The following SLC39A12 variants were observed in gnomAD, a reference collection of about 807,000 sequenced individuals.
SLC39A12 encodes the protein zinc transporter ZIP12.
SLC39A12 carries 63 observed loss-of-function variants against 71.1 expected under a neutral mutation model. The observed-to-expected ratio is 0.89, with a 90% CI of 0.72 to 1.09. The LOEUF is 1.09. Ranked by LOEUF, SLC39A12 falls within the 50% of genes least tolerant of loss-of-function variation. The pLI, the probability that SLC39A12 is intolerant of heterozygous loss-of-function variation, is 0.00. For missense variants in SLC39A12, 892 were observed against 812.6 expected (o/e 1.10, Z -1.19); for synonymous variants, 351 against 301.3 (o/e 1.16, Z -1.71).
rs1249562367 is a variant in SLC39A12, at chr10:17,978,925, A to G, written c.924+851A>G. Among the ~76,000 whole-genome samples, 4 of 152,296 alleles carry G rather than the reference A, an allele frequency of 2.6e-5. No individual in the cohort carries two copies. In the East Asian group the frequency reaches 7.7e-4, roughly 29 times the overall value. ...CAGTACCACCTGGGAACTTGTTGGA[A>G]ATGTACATCCTCAGACCCCAACCCA... On this transcript the variant is annotated intron_variant, in intron 5 of 12. Coordinates refer to ENST00000377369, the MANE Select transcript of SLC39A12 (RefSeq NM_001145195.2).
intron 12 of SLC39A12, among the ~76,000 whole-genome samples, chr10:18,032,760 C>G (rs920032625): frequency 1.3e-5 from 2 of 151,930 alleles, no homozygotes; most frequent in Non-Finnish European, 2.9e-5. Context: ...AGTTTTTGCC[C>G]ATTCAATATG....
intron 12 of SLC39A12, among the ~76,000 whole-genome samples, chr10:18,023,618 G>A (rs1836594849): frequency 6.6e-6 from 1 of 152,178 alleles, no homozygotes; most frequent in South Asian, 2.1e-4. Context: ...AGAGCATGGA[G>A]TCAAGGGCTC....
At chr10:17,970,485 T>C (rs1834939630) in intron 4 of SLC39A12, among the ~76,000 whole-genome samples, 1 of 152,212 alleles carries the variant, frequency 6.6e-6, no homozygotes, top group South Asian at 2.1e-4. Context: ...GTCATTTTCA[T>C]TGTAGAAATC....
intron 12 of SLC39A12, among the ~76,000 whole-genome samples, chr10:18,025,171 A>AT (rs1012654644): frequency 4.7e-5 from 7 of 150,166 alleles, no homozygotes; most frequent in East Asian, 2.0e-4. Flanking sequence ...TGTCTTTCAC[A>AT]TTTTTTTTGC....
At chr10:18,016,225 C>G (rs1463231809) in intron 12 of SLC39A12, among the ~76,000 whole-genome samples, 1 of 152,174 alleles carries the variant, frequency 6.6e-6, no homozygotes, top group African/African-American at 2.4e-5. Context: ...TCCCTGTCAA[C>G]CACTACTATT....
rs765462280 is a variant in SLC39A12 at position 18,041,526 on chromosome 10, G to GTATA, written c.1948-1172_1948-1169dup. Among the ~76,000 whole-genome samples, 9 of 72,360 alleles carry GTATA rather than the reference G, an allele frequency of 1.2e-4. 1 individual carries two copies. The East Asian group carries it at 2.9e-3, about 24-fold the overall frequency. 47.5% of individuals were successfully genotyped at this position (72,360 alleles called of 152,430 possible). ...AAAAAAACTTTATATATATATATAT[G>GTATA]TATATATATACACACACACACACAC... On this transcript the variant is annotated intron_variant, in intron 12 of 12. Transcript: ENST00000377369.
At chr10:18,024,394 G>T (rs2497774) in intron 12 of SLC39A12, among the ~76,000 whole-genome samples, 1 of 151,882 alleles carries the variant, frequency 6.6e-6, no homozygotes. Flanking sequence ...TGTGCCCAGG[G>T]TTGCATAGGT....
At position 18,025,668 on chromosome 10, in the gene SLC39A12, C is replaced by A. The variant is rs992735773; in HGVS notation, c.1948-17037C>A. On this transcript the variant is annotated intron_variant, in intron 12 of 12. Transcript: ENST00000377369. ...TTTGGGTTGGTTCCAAGTCTTTGCT[C>A]TTGTGAATAGTGTTGCAGTAAACAT... 5.9e-5 allele frequency among the ~76,000 whole-genome samples: 9 copies of A among 151,934 alleles called. No homozygotes were observed. In the South Asian group the frequency reaches 1.2e-3, roughly 21 times the overall value.
chr10:17,981,730 A>G (rs544142990), intron 6 of SLC39A12, among the ~76,000 whole-genome samples: 9 of 152,342 alleles, frequency 5.9e-5, no homozygotes, highest in African/African-American at 1.9e-4. Context: ...TGGAGTTGCC[A>G]TTCAAACCCA....
At chr10:18,034,338 T>C (rs1159658282) in intron 12 of SLC39A12, among the ~76,000 whole-genome samples, 1 of 151,974 alleles carries the variant, frequency 6.6e-6, no homozygotes, top group African/African-American at 2.4e-5. Flanking sequence ...GGTGCTCCTG[T>C]ATTGGGTGCA....
chr10:18,034,548 CAT>C (rs1836942774), intron 12 of SLC39A12, among the ~76,000 whole-genome samples: 2 of 150,954 alleles, frequency 1.3e-5, no homozygotes, highest in Admixed American at 6.6e-5. Flanking sequence ...TGTCTCTGCA[CAT>C]GAGATGGGTT....
intron 12 of SLC39A12, among the ~76,000 whole-genome samples, chr10:18,006,241 AG>A (rs1307722081): frequency 1.3e-5 from 2 of 152,252 alleles, no homozygotes; most frequent in East Asian, 3.8e-4. Context: ...TCCCAAAAGA[AG>A]AAGAACTAGA....
intron 10 of SLC39A12, among the ~76,000 whole-genome samples, chr10:17,998,302 T>TAC (rs1835741634): frequency 2.5e-5 from 1 of 39,636 alleles, no homozygotes; most frequent in Admixed American, 1.8e-4. Flanking sequence ...TAGCAGAGTG[T>TAC]AATATTGGCT....
intron 4 of SLC39A12, among the ~76,000 whole-genome samples, chr10:17,975,988 C>G (rs867360861): frequency 6.6e-6 from 1 of 152,156 alleles, no homozygotes; most frequent in Admixed American, 6.5e-5. Flanking sequence ...TGCCATGCCC[C>G]CCTACTGTCA....
intron 7 of SLC39A12, among the ~76,000 whole-genome samples, chr10:17,988,372 G>A (rs1258680760): frequency 4.6e-5 from 7 of 151,974 alleles, no homozygotes; most frequent in East Asian, 1.9e-4. Flanking sequence ...GAACCTCCCC[G>A]TCTCCCTCTC....
Position 17,977,167 on chromosome 10 carries a change from C to T in SLC39A12, c.752-735C>T, listed in dbSNP as rs367610994. ...TTGGACATTTATATAATTTAGATTT[C>T]CTTATTAAAAATTGCTATTGATTTT... On this transcript the variant is annotated intron_variant, in intron 4 of 12. Transcript: ENST00000377369. 6.6e-5 allele frequency among the ~76,000 whole-genome samples: 10 copies of T among 151,996 alleles called. No homozygotes were observed. In the East Asian group the frequency reaches 1.4e-3, roughly 21 times the overall value.
chr10:17,972,489 A>G (rs554718276), intron 4 of SLC39A12, among the ~76,000 whole-genome samples: 71 of 152,204 alleles, frequency 4.7e-4, no homozygotes, highest in Non-Finnish European at 7.8e-4. Context: ...AGCTCTAACA[A>G]TATTTGCTTT....
chr10:17,981,610 C>T (rs1207299734), intron 6 of SLC39A12, 127 bp downstream of exon 6: 6 of 705,458 alleles, frequency 8.5e-6, no homozygotes, highest in East Asian at 8.5e-5. Flanking sequence ...CTCATTTAAT[C>T]CTCCTAACAA....
intron 6 of SLC39A12, among the ~76,000 whole-genome samples, 194 bp from the exon 7 acceptor site, chr10:17,987,285 T>A (rs971380622): frequency 2.0e-5 from 3 of 152,140 alleles, no homozygotes; most frequent in African/African-American, 7.2e-5. Context: ...CAGAGAGCTA[T>A]GATAGTGCCA....
Sources: gnomAD v4.1 joint callset for allele counts (sites outside exome capture counted in the v4.1 genomes callset) on GRCh38, gnomAD v4.1.1 for gene constraint, MANE v1.5 for transcripts, NCBI Gene and HGNC (gene_info 2026-07-23, HGNC 2026-07-21) for gene names.